Variants in SPATS2L observed in about 807,000 individuals in gnomAD.
SPATS2L encodes the protein SPATS2-like protein.
A neutral mutation model predicts 59.6 loss-of-function variants in SPATS2L; 30 were observed. That is an observed-to-expected ratio of 0.50 (90% confidence interval 0.38 to 0.68). SPATS2L has a LOEUF of 0.68. SPATS2L is among the 30% of genes least tolerant of loss of function. The probability of loss-of-function intolerance (pLI) is 0.00; values close to 1 mark genes in which losing one functional copy is unlikely to be tolerated. For missense variants in SPATS2L, 615 were observed against 700.0 expected (o/e 0.88, Z 1.37); for synonymous variants, 252 against 263.5 (o/e 0.96, Z 0.42).
At chr2:200,306,049 G>A, upstream of SPATS2L, 1 of 985,234 alleles carries the variant, frequency 1.0e-6, no homozygotes, top group Non-Finnish European at 1.2e-6. Context: ...CACACGTTTG[G>A]AGCCCAGTGT....
chr2:200,427,701 CATT>C (rs770980067), intron 6 of SPATS2L, among the ~76,000 whole-genome samples: 51 of 152,134 alleles, frequency 3.4e-4, no homozygotes, highest in Admixed American at 7.9e-4. Context: ...TTGATAAAGA[CATT>C]ATGAGAAGGC....
chr2:200,419,328 G>A lies in SPATS2L; in HGVS notation c.277G>A (p.Ala93Thr), dbSNP rs1195888483. 3 of 1,609,418 alleles carry A rather than the reference G, an allele frequency of 1.9e-6. No homozygotes were observed. The East Asian group carries it at 6.7e-5, about 36-fold the overall frequency. The part of the protein sequence containing the change: ...DAKDKVERPE[A>T]GPLQPQPPQI... ...TAAAGACAAGGTGGAGAGGCCTGAG[G>A]CAGGGCCCCTGCAGCCGCAGCCACC... The change falls in exon 6 of 13, where the codon GCA becomes ACA. Residue 93 changes from alanine to threonine, a missense_variant. Physicochemically the swap from Ala to Thr is moderately conservative, Grantham distance 58. Transcript: ENST00000409140.
intron 10 of SPATS2L, among the ~76,000 whole-genome samples, chr2:200,468,186 A>G (rs990576162): frequency 6.6e-6 from 1 of 152,126 alleles, no homozygotes; most frequent in African/African-American, 2.4e-5. Context: ...AGGGTGTGAC[A>G]TCTTGATCGC....
chr2:200,471,640 G>A (rs1473468993), intron 11 of SPATS2L, among the ~76,000 whole-genome samples: 3 of 152,160 alleles, frequency 2.0e-5, no homozygotes, highest in African/African-American at 7.2e-5. Flanking sequence ...CTGATCTGCA[G>A]ACAATAATGA....
At chr2:200,393,250 A>G (rs542845514) in intron 3 of SPATS2L, 1 of 456,890 alleles carries the variant, frequency 2.2e-6, no homozygotes, top group South Asian at 1.5e-5. Context: ...CCTGCAAAAC[A>G]TGGCTGGTGG....
chr2:200,327,294 C>T (rs2079784251), intron 1 of SPATS2L, among the ~76,000 whole-genome samples: 1 of 151,926 alleles, frequency 6.6e-6, no homozygotes, highest in Admixed American at 6.6e-5. Context: ...ATCCCAGCTA[C>T]TTGAGAGGCC....
chr2:200,409,094 G>A (rs1391511832), intron 3 of SPATS2L, among the ~76,000 whole-genome samples: 1 of 152,234 alleles, frequency 6.6e-6, no homozygotes, highest in Non-Finnish European at 1.5e-5. Context: ...GGTGGCTTAG[G>A]TGTTAGCCTG....
intron 2 of SPATS2L, among the ~76,000 whole-genome samples, chr2:200,385,875 A>G (rs931478904): frequency 6.6e-6 from 1 of 151,962 alleles, no homozygotes; most frequent in Non-Finnish European, 1.5e-5. Context: ...TTGTATTTTT[A>G]GTGGAGACAG....
At chr2:200,308,874 C>G (rs1446735641) in intron 1 of SPATS2L, 6 of 573,014 alleles carry the variant, frequency 1.0e-5, no homozygotes, top group African/African-American at 1.9e-5. Context: ...CTTTTGTATT[C>G]ATTTTGTTTT....
At chr2:200,357,863 G>A (rs1411665514) in intron 2 of SPATS2L, among the ~76,000 whole-genome samples, 2 of 152,258 alleles carry the variant, frequency 1.3e-5, no homozygotes, top group Middle Eastern at 3.4e-3. Flanking sequence ...CATTGGAGAC[G>A]TGATCTTTGA....
chr2:200,367,408 A>G (rs967685676), intron 2 of SPATS2L, among the ~76,000 whole-genome samples: 2 of 152,204 alleles, frequency 1.3e-5, no homozygotes, highest in African/African-American at 4.8e-5. Context: ...ACCAGGAAAC[A>G]GCAAAGACAA....
Position 200,372,465 on chromosome 2 carries a change from G to A in SPATS2L, c.-22-16758G>A, listed in dbSNP as rs147845001. 2.7e-3 allele frequency among the ~76,000 whole-genome samples: 404 copies of A among 152,172 alleles called. 3 individuals carry two copies. The highest frequency in any genetic ancestry group is 9.1e-3 in the African/African-American group (380 of 41,542). On this transcript the variant is annotated intron_variant, in intron 2 of 12. Coordinates refer to ENST00000409140, the MANE Select transcript of SPATS2L (RefSeq NM_001100423.2). The stretch of plus-strand genomic sequence containing the variant: ...GTGGCCCAGGAAAGGGTATTCCATG[G>A]TGGTTTGTCCTCACTGGGAAGTGGG...
At chr2:200,447,306 T>C (rs2085113587) in intron 8 of SPATS2L, among the ~76,000 whole-genome samples, 1 of 152,238 alleles carries the variant, frequency 6.6e-6, no homozygotes, top group South Asian at 2.1e-4. Flanking sequence ...ACTACTCTGA[T>C]GCCAGTGACA....
At chr2:200,375,652 G>T (rs1446538977) in intron 2 of SPATS2L, among the ~76,000 whole-genome samples, 3 of 152,016 alleles carry the variant, frequency 2.0e-5, no homozygotes, top group Admixed American at 6.6e-5. Flanking sequence ...TTGAGATAGG[G>T]TCTTACTCTG....
chr2:200,468,625 C>T (rs972976505), intron 10 of SPATS2L, among the ~76,000 whole-genome samples: 1 of 152,182 alleles, frequency 6.6e-6, no homozygotes, highest in Non-Finnish European at 1.5e-5. Flanking sequence ...TCTGCTCTGG[C>T]CTTTGTGGCC....
chr2:200,475,752 C>T (rs1048675106), intron 12 of SPATS2L, among the ~76,000 whole-genome samples: 9 of 152,118 alleles, frequency 5.9e-5, no homozygotes, highest in Admixed American at 1.3e-4. Context: ...GTTGGTCTGC[C>T]CTAAACCTAT....
At chr2:200,475,750 G>A (rs6761689) in intron 12 of SPATS2L, among the ~76,000 whole-genome samples, 1 of 152,108 alleles carries the variant, frequency 6.6e-6, no homozygotes, top group African/African-American at 2.4e-5. Context: ...GGGTTGGTCT[G>A]CCCTAAACCT....
chr2:200,306,694 GT>G lies in SPATS2L; in HGVS notation c.-299del. The stretch of plus-strand genomic sequence containing the variant: ...CCCTGCGTGGGGCGGCCGAGCCGGA[GT>G]TGTGTCAGTGAAGGAATCCAGTCCG... On this transcript the variant is annotated 5_prime_UTR_variant, in exon 1 of 13. Coordinates refer to ENST00000409140, the MANE Select transcript of SPATS2L (RefSeq NM_001100423.2). The G allele has an allele frequency of 1.0e-6, 1 of 985,392 alleles. No individual in the cohort carries two copies. The highest frequency in any genetic ancestry group is 1.2e-6 in the Non-Finnish European group (1 of 829,854). The allele number at this position is 985,392 out of a possible 1,614,324, so 61.0% of individuals were successfully genotyped here. A position where few individuals can be genotyped will look rare whatever the true frequency, so the allele number is the denominator to read the frequency against.
At chr2:200,412,258 A>C in intron 3 of SPATS2L, 53 bp from the exon 4 acceptor site, 2 of 1,138,976 alleles carry the variant, frequency 1.8e-6, no homozygotes, top group Non-Finnish European at 2.4e-6. Context: ...TCATAGATGA[A>C]AAATATTTAA....
Sources: gnomAD v4.1 joint callset for allele counts (sites outside exome capture counted in the v4.1 genomes callset) on GRCh38, gnomAD v4.1.1 for gene constraint, MANE v1.5 for transcripts, NCBI Gene and HGNC (gene_info 2026-07-23, HGNC 2026-07-21) for gene names.